Variants in GRM7 observed in about 807,000 individuals in gnomAD.
GRM7 encodes the protein metabotropic glutamate receptor 7.
Under a neutral mutation model 84.5 loss-of-function variants are expected in GRM7, and 35 were observed. The ratio of observed to expected loss-of-function variants is 0.41; its 90% CI spans 0.32 to 0.55. The LOEUF (loss-of-function observed/expected upper bound fraction) is 0.55. Ranked by LOEUF, GRM7 falls within the 20% of genes least tolerant of loss-of-function variation. The pLI, the probability that GRM7 is intolerant of heterozygous loss-of-function variation, is 0.19. For synonymous variants in GRM7, 487 were observed against 455.1 expected (o/e 1.07, Z -0.89); for missense variants, 1,003 against 1,194.6 (o/e 0.84, Z 2.36).
intron 4 of GRM7, 47 bp from the exon 5 acceptor site, chr3:7,414,976 C>A (rs1696101379): frequency 6.7e-7 from 1 of 1,485,326 alleles, no homozygotes. Context: ...TCTGAATGTG[C>A]CAGCAGTGCC....
intron 1 of GRM7, among the ~76,000 whole-genome samples, chr3:6,875,046 C>T (rs940552668): frequency 4.6e-5 from 7 of 152,148 alleles, no homozygotes; most frequent in Non-Finnish European, 7.4e-5. Flanking sequence ...TAGCATCTAA[C>T]TCTATGCTTT....
At chr3:6,983,466 G>T (rs541386878) in intron 1 of GRM7, among the ~76,000 whole-genome samples, 1 of 152,026 alleles carries the variant, frequency 6.6e-6, no homozygotes, top group African/African-American at 2.4e-5. Flanking sequence ...ATGATTTCAG[G>T]AAGTTAATTG....
At chr3:7,189,073 T>C (rs1287116896) in intron 2 of GRM7, among the ~76,000 whole-genome samples, 2 of 152,152 alleles carry the variant, frequency 1.3e-5, no homozygotes, top group Non-Finnish European at 2.9e-5. Flanking sequence ...TGAGAGGTAG[T>C]TGTGGCAATT....
At chr3:7,441,571 A>C (rs1315293466) in intron 5 of GRM7, among the ~76,000 whole-genome samples, 1 of 152,178 alleles carries the variant, frequency 6.6e-6, no homozygotes, top group African/African-American at 2.4e-5. Flanking sequence ...CTATATCTAG[A>C]ATGATATTTC....
intron 2 of GRM7, among the ~76,000 whole-genome samples, chr3:7,234,950 A>G (rs1012870949): frequency 2.0e-5 from 3 of 152,188 alleles, no homozygotes; most frequent in African/African-American, 4.8e-5. Flanking sequence ...CTGCAAAATA[A>G]TGTTCATCCA....
chr3:7,317,315 A>G (rs746411703), intron 4 of GRM7, among the ~76,000 whole-genome samples: 3 of 152,184 alleles, frequency 2.0e-5, no homozygotes, highest in Non-Finnish European at 4.4e-5. Context: ...AACTATAGTC[A>G]TATAGAACTT....
intron 7 of GRM7, among the ~76,000 whole-genome samples, chr3:7,570,663 AC>A (rs1281096107): frequency 2.0e-5 from 3 of 152,166 alleles, no homozygotes; most frequent in African/African-American, 7.2e-5. Flanking sequence ...TTTTCCACAC[AC>A]ACGATACAAG....
intron 1 of GRM7, among the ~76,000 whole-genome samples, chr3:7,008,478 A>C (rs962391083): frequency 1.3e-5 from 2 of 152,222 alleles, no homozygotes; most frequent in Non-Finnish European, 2.9e-5. Flanking sequence ...CATTTAATTA[A>C]AGAAAACTCT....
chr3:7,539,611 G>A (rs1478244299), intron 7 of GRM7, among the ~76,000 whole-genome samples: 3 of 149,872 alleles, frequency 2.0e-5, no homozygotes, highest in African/African-American at 7.4e-5. Context: ...GGAGGTGGAG[G>A]TTGCAGTGAG....
At chr3:7,310,916 C>G (rs138847535) in intron 4 of GRM7, among the ~76,000 whole-genome samples, 3 of 152,210 alleles carry the variant, frequency 2.0e-5, no homozygotes, top group African/African-American at 7.2e-5. Flanking sequence ...TCTCTGAGCC[C>G]CATTATAAGT....
intron 1 of GRM7, among the ~76,000 whole-genome samples, chr3:7,065,723 G>A (rs1389248915): frequency 6.6e-6 from 1 of 151,792 alleles, no homozygotes; most frequent in Non-Finnish European, 1.5e-5. Context: ...CTAATTCTGT[G>A]AAGAATGATG....
intron 1 of GRM7, among the ~76,000 whole-genome samples, chr3:6,912,225 A>G (rs1393103393): frequency 6.6e-6 from 1 of 152,224 alleles, no homozygotes; most frequent in Non-Finnish European, 1.5e-5. Flanking sequence ...GAAATGCTGC[A>G]TTAGATAAAA....
In GRM7 at chr3:7,463,973, C is replaced by T. The variant is rs79734985; in HGVS notation, c.1515+2251C>T. 4.6e-3 allele frequency among the ~76,000 whole-genome samples: 694 copies of T among 152,200 alleles called. 4 individuals carry two copies. Among genetic ancestry groups the T allele is most frequent in the East Asian group, 0.029 (149 of 5,186 alleles). ...GGGGGCAAAAGTAGCAGCAGAAAGACCAATTATGATTCTTTTGCAGGTGTC... is the reference window on the plus strand; with the variant it reads ...GGGGGCAAAAGTAGCAGCAGAAAGATCAATTATGATTCTTTTGCAGGTGTC... On this transcript the variant is annotated intron_variant, in intron 7 of 9. Coordinates refer to ENST00000357716, the MANE Select transcript of GRM7 (RefSeq NM_000844.4).
intron 4 of GRM7, among the ~76,000 whole-genome samples, chr3:7,383,346 TAATG>T (rs1057131028): frequency 2.1e-4 from 32 of 152,156 alleles, no homozygotes; most frequent in African/African-American, 6.5e-4. Context: ...TGAAAGGAGA[TAATG>T]AAAGTGGGGA....
chr3:7,306,004 C>G lies in GRM7; in HGVS notation c.879-494C>G, dbSNP rs116125019. Among the ~76,000 whole-genome samples, 445 of 152,218 alleles carry G rather than the reference C, an allele frequency of 2.9e-3. 3 individuals are homozygous for G. The highest frequency in any genetic ancestry group is 0.01 in the African/African-American group (419 of 41,542). The stretch of plus-strand genomic sequence containing the variant: ...AATCATACACAAGTTATAAATTTTT[C>G]ATGTTTCACATGGAGTTCTGTTTAT... On this transcript the variant is annotated intron_variant, in intron 3 of 9. Transcript: ENST00000357716.
intron 2 of GRM7, among the ~76,000 whole-genome samples, chr3:7,189,236 C>T (rs1304233154): frequency 1.3e-5 from 2 of 152,094 alleles, no homozygotes; most frequent in Non-Finnish European, 1.5e-5. Context: ...TGTATATACA[C>T]ACATATACAC....
chr3:7,014,146 A>G (rs1695482286), intron 1 of GRM7, among the ~76,000 whole-genome samples: 1 of 152,018 alleles, frequency 6.6e-6, no homozygotes, highest in South Asian at 2.1e-4. Context: ...ACCTCTACTG[A>G]TGATCATTGT....
intron 1 of GRM7, among the ~76,000 whole-genome samples, chr3:7,019,912 C>T (rs912490624): frequency 2.0e-5 from 3 of 152,308 alleles, no homozygotes; most frequent in African/African-American, 7.2e-5. Context: ...GGTACAATTA[C>T]TAAAAAGACA....
At chr3:7,506,271 G>A (rs893663551) in intron 7 of GRM7, among the ~76,000 whole-genome samples, 1 of 152,038 alleles carries the variant, frequency 6.6e-6, no homozygotes, top group African/African-American at 2.4e-5. Flanking sequence ...TATCAGAATA[G>A]CCTTTTCTGT....
Sources: gnomAD v4.1 joint callset for allele counts (sites outside exome capture counted in the v4.1 genomes callset) on GRCh38, gnomAD v4.1.1 for gene constraint, MANE v1.5 for transcripts, NCBI Gene and HGNC (gene_info 2026-07-23, HGNC 2026-07-21) for gene names.